Variants in GLI3 observed in about 807,000 individuals in gnomAD.
GLI3 encodes transcription activator GLI3.
In GLI3, 20 loss-of-function variants were observed where a neutral mutation model predicts 100.8. The ratio of observed to expected loss-of-function variants is 0.20; its 90% confidence interval spans 0.14 to 0.29. GLI3 has a LOEUF of 0.29. GLI3 is among the 10% of genes least tolerant of loss of function. The pLI, the probability that GLI3 is intolerant of heterozygous loss-of-function variation, is 1.00. For synonymous variants in GLI3, 938 were observed against 860.5 expected, an observed-to-expected ratio of 1.09 and a Z score of -1.58; for missense variants, 2,040 against 2,128.5, an observed-to-expected ratio of 0.96 and a Z score of 0.82.
chr7:42,056,386 C>T (rs1332802627), intron 4 of GLI3, among the ~76,000 whole-genome samples: 1 of 152,060 alleles, frequency 6.6e-6, no homozygotes, highest in Non-Finnish European at 1.5e-5. Flanking sequence ...AGTGGTGGCA[C>T]AGCTAAAAAG....
intron 10 of GLI3, among the ~76,000 whole-genome samples, chr7:42,018,768 A>C (rs1038908420): frequency 6.6e-6 from 1 of 152,226 alleles, no homozygotes; most frequent in East Asian, 1.9e-4. Flanking sequence ...TTAAAATCCA[A>C]GTAGGTGGTT....
In GLI3 at chr7:41,961,111, G is replaced by A. The variant is rs981161683; in HGVS notation, c.*3219C>T. 1.3e-5 allele frequency: 2 copies of A among 152,610 alleles called. No individual in the cohort carries two copies. The allele number at this position is 152,610 out of a possible 1,614,324, so 9.5% of individuals were successfully genotyped here. A position where few individuals can be genotyped will look rare whatever the true frequency, so the allele number is the denominator to read the frequency against. On this transcript the variant is annotated 3_prime_UTR_variant, in exon 15 of 15. Transcript: ENST00000395925. ...GATCACGGGGAATGCAGGCTTGTCC[G>A]AGGAACGCCTGGGCCAGTCACATCT...
rs1562661795 is a variant in GLI3 at position 41,968,721 on chromosome 7, A to AAAGAAAGAAAGAAAG, written c.2104-813_2104-799dup. Among the ~76,000 whole-genome samples, 37 of 103,254 alleles carry AAAGAAAGAAAGAAAG rather than the reference A, an allele frequency of 3.6e-4. 2 individuals are homozygous for AAAGAAAGAAAGAAAG. Among genetic ancestry groups the AAAGAAAGAAAGAAAG allele is most frequent in the African/African-American group, 1.7e-3 (35 of 20,908 alleles). 67.7% of individuals were successfully genotyped at this position (103,254 alleles called of 152,430 possible). The stretch of plus-strand genomic sequence containing the variant: ...AGAAAGAAAGAAAGAAAGAAGAAAG[A>AAAGAAAGAAAGAAAG]AAGAAAGAAAGAAAGAAAGAAAGAA... On this transcript the variant is annotated intron_variant, in intron 13 of 14. Coordinates refer to ENST00000395925, the MANE Select transcript of GLI3 (RefSeq NM_000168.6).
At chr7:42,247,841 G>A (rs1186253325) in intron 1 of GLI3, among the ~76,000 whole-genome samples, 1 of 152,172 alleles carries the variant, frequency 6.6e-6, no homozygotes, top group Non-Finnish European at 1.5e-5. Context: ...CTATTCTACA[G>A]TCACTCCAAC....
At chr7:42,243,100 A>G (rs544452276) in intron 1 of GLI3, among the ~76,000 whole-genome samples, 1 of 152,268 alleles carries the variant, frequency 6.6e-6, no homozygotes, top group South Asian at 2.1e-4. Flanking sequence ...AACTACAGCA[A>G]AGCCAGTCAA....
In GLI3 at chr7:41,972,657, G is replaced by C. The variant is rs1172793486; in HGVS notation, c.1813-30C>G. On this transcript the variant is annotated intron_variant, in intron 12 of 14. Transcript: ENST00000395925. This position sits in a 1 kb window ranked among gnomAD's most constrained non-coding sequence, Gnocchi z 4.4. ...CAAATCCCACAAGAACGAGGTAAGA[G>C]ATTGTTATGAAAGAGACTATGCCCC... is the stretch of plus-strand genomic sequence containing the variant. 2.5e-6 allele frequency: 4 copies of C among 1,589,112 alleles called. No individual in the cohort carries two copies. The highest frequency in any genetic ancestry group is 2.2e-5 in the East Asian group (1 of 44,824).
intron 1 of GLI3, among the ~76,000 whole-genome samples, chr7:42,230,995 CT>C (rs1283462269): frequency 6.6e-6 from 1 of 152,210 alleles, no homozygotes; most frequent in African/African-American, 2.4e-5. Context: ...AGATGTGTCC[CT>C]TGTCTCGCTT....
intron 10 of GLI3, among the ~76,000 whole-genome samples, chr7:42,019,453 C>A (rs554060417): frequency 8.5e-4 from 129 of 152,262 alleles, no homozygotes; most frequent in South Asian, 2.1e-4. Context: ...TCCGTGTAGA[C>A]AGAAAGCATC....
intron 2 of GLI3, among the ~76,000 whole-genome samples, chr7:42,206,456 T>C (rs1288986574): frequency 3.9e-5 from 6 of 152,122 alleles, no homozygotes; most frequent in African/African-American, 7.2e-5. Context: ...ATAATACAGA[T>C]AGAGCTGAAC....
chr7:42,198,317 C>G (rs1018980546), intron 2 of GLI3, among the ~76,000 whole-genome samples: 5 of 152,094 alleles, frequency 3.3e-5, no homozygotes, highest in African/African-American at 9.7e-5. Context: ...GACGGGAAGC[C>G]CTGGGCCAGG....
At chr7:41,996,506 T>C (rs180821456) in intron 10 of GLI3, among the ~76,000 whole-genome samples, 68 of 152,234 alleles carry the variant, frequency 4.5e-4, no homozygotes, top group Middle Eastern at 3.4e-3. Context: ...TCTGAATCAA[T>C]TTAAACACAG....
Position 41,965,038 on chromosome 7 carries a change from A to C in GLI3, c.4035T>G (p.Leu1345=), listed in dbSNP as rs1359870087. 2.5e-6 allele frequency: 4 copies of C among 1,613,756 alleles called. No individual in the cohort carries two copies. The highest frequency in any genetic ancestry group is 3.4e-6 in the Non-Finnish European group (4 of 1,180,016). Reference sequence around the variant, plus strand: ...TGTGTGAGGTAGCACTAATCTGCCCAAGCATCTGCTGACCGGGGCGGCCTG... The same window carrying C: ...TGTGTGAGGTAGCACTAATCTGCCCCAGCATCTGCTGACCGGGGCGGCCTG... ...PGAGRPGQQM[L]GQISATSHIN... Residue 1345 remains leucine, a synonymous_variant, in exon 15 of 15, where the codon CTT becomes CTG. Coordinates refer to ENST00000395925, the MANE Select transcript of GLI3 (RefSeq NM_000168.6).
Position 42,223,115 on chromosome 7 carries a change from C to T in GLI3, c.124+15G>A. The T allele has an allele frequency of 6.2e-7, 1 of 1,613,534 alleles. No individual in the cohort carries two copies. Among genetic ancestry groups the T allele is most frequent in the Non-Finnish European group, 8.5e-7 (1 of 1,179,694 alleles). ...GACTCCAGGCTGGGCTGCTGGTAAT[C>T]CCTGTGCTGCTCACCATTAGAAGTG... On this transcript the variant is annotated intron_variant, in intron 2 of 14. Coordinates refer to ENST00000395925, the MANE Select transcript of GLI3 (RefSeq NM_000168.6).
chr7:42,116,975 C>T (rs1334523039), intron 3 of GLI3, among the ~76,000 whole-genome samples: 4 of 152,208 alleles, frequency 2.6e-5, no homozygotes, highest in South Asian at 2.1e-4. Flanking sequence ...GCAGATATCA[C>T]TTGTGAACTA....
chr7:42,067,965 A>G (rs1488842795), intron 4 of GLI3, among the ~76,000 whole-genome samples: 1 of 152,226 alleles, frequency 6.6e-6, no homozygotes, highest in Non-Finnish European at 1.5e-5. Flanking sequence ...ACTTATAAAC[A>G]TGTGTGATGC....
At chr7:41,989,052 T>C (rs1445011492) in intron 10 of GLI3, among the ~76,000 whole-genome samples, 1 of 152,214 alleles carries the variant, frequency 6.6e-6, no homozygotes, top group East Asian at 1.9e-4. Flanking sequence ...GATTTAATTT[T>C]ATACCATATC....
chr7:42,218,244 G>T (rs1175224659), intron 2 of GLI3, among the ~76,000 whole-genome samples: 1 of 151,998 alleles, frequency 6.6e-6, no homozygotes, highest in Admixed American at 6.5e-5. Context: ...TCTTTATGGC[G>T]TGAACTGCCT....
At chr7:42,011,659 C>T (rs551341909) in intron 10 of GLI3, among the ~76,000 whole-genome samples, 2 of 152,114 alleles carry the variant, frequency 1.3e-5, no homozygotes, top group Non-Finnish European at 2.9e-5. Flanking sequence ...AGACATCGTA[C>T]AAAAGGTCAC....
At chr7:42,003,138 A>C (rs574202743) in intron 10 of GLI3, among the ~76,000 whole-genome samples, 161 of 152,382 alleles carry the variant, frequency 1.1e-3, no homozygotes, top group Non-Finnish European at 1.9e-3. Context: ...ATAAGGAATT[A>C]ATGACTGAAT....
Sources: allele counts gnomAD v4.1 joint callset (sites outside exome capture counted in the v4.1 genomes callset), GRCh38; gene constraint gnomAD v4.1.1; non-coding constraint Gnocchi (gnomAD v3.1); transcripts MANE v1.5; gene names NCBI Gene and HGNC (gene_info 2026-07-23, HGNC 2026-07-21).